The following CEP120 variants were observed in gnomAD, a reference collection of about 807,000 sequenced individuals.
CEP120 encodes centrosomal protein 120, also known as centrosomal protein of 120 kDa.
Under a neutral mutation model 126.5 loss-of-function variants are expected in CEP120, and 113 were observed. The ratio of observed to expected loss-of-function variants is 0.89; its 90% CI spans 0.77 to 1.04. The LOEUF (loss-of-function observed/expected upper bound fraction) is 1.04. Ranked by LOEUF, CEP120 falls within the 50% of genes least tolerant of loss-of-function variation. CEP120 has a pLI of 0.00. For synonymous variants in CEP120, 400 were observed against 394.3 expected (o/e 1.01, Z -0.17); for missense variants, 1,230 against 1,155.7 (o/e 1.06, Z -0.93).
chr5:123,405,361 A>G (rs1206551824), intron 4 of CEP120, among the ~76,000 whole-genome samples: 2 of 152,244 alleles, frequency 1.3e-5, no homozygotes, highest in Non-Finnish European at 2.9e-5. Flanking sequence ...TGAATATCAG[A>G]GAAAAGTTCC....
intron 5 of CEP120, among the ~76,000 whole-genome samples, chr5:123,398,122 T>C (rs1204402443): frequency 6.6e-6 from 1 of 152,052 alleles, no homozygotes; most frequent in Admixed American, 6.6e-5. Flanking sequence ...CTGATAAAAA[T>C]TGTACAGTTA....
chr5:123,385,627 T>G (rs1427976600), intron 10 of CEP120, among the ~76,000 whole-genome samples: 3 of 152,056 alleles, frequency 2.0e-5, no homozygotes, highest in Admixed American at 2.0e-4. Context: ...CTGTTTTTTT[T>G]TTTTTTTGAG....
chr5:123,401,312 A>G, intron 4 of CEP120: 1 of 1,605,984 alleles, frequency 6.2e-7, no homozygotes. Context: ...CTTAATGGCC[A>G]GCTCTCCACA....
rs758328159 is a variant in CEP120, at chr5:123,386,693, A to AAAAAAGCC, written c.1431-34_1431-27dup. 179 of 1,419,846 alleles carry AAAAAAGCC rather than the reference A, an allele frequency of 1.3e-4. 2 individuals are homozygous for AAAAAAGCC. In the South Asian group the frequency reaches 2.8e-3, roughly 22 times the overall value. The allele number at this position is 1,419,846 out of a possible 1,614,324, so 88.0% of individuals were successfully genotyped here. A position where few individuals can be genotyped will look rare whatever the true frequency, so the allele number is the denominator to read the frequency against. On this transcript the variant is annotated intron_variant, in intron 9 of 19. Coordinates refer to ENST00000306467, the MANE Select transcript of CEP120 (RefSeq NM_001375405.1). ...CTAGAATTTAAAAAAAAAAAAAAAA[A>AAAAAAGCC]AAAAAGCCTTAATGATATGGTTTAC...
Position 123,346,405 on chromosome 5 carries a change from C to A in CEP120, c.*114G>T. ...CTATACAATAACATACAAAATTTTG[C>A]TTATAAAAAATTGAAAATACCATTT... On this transcript the variant is annotated 3_prime_UTR_variant, in exon 20 of 20. Transcript: ENST00000306467. 1 of 737,724 alleles carries A rather than the reference C, an allele frequency of 1.4e-6. No individual in the cohort carries two copies. Among genetic ancestry groups the A allele is most frequent in the Non-Finnish European group, 2.1e-6 (1 of 465,830 alleles). 45.7% of individuals were successfully genotyped at this position (737,724 alleles called of 1,614,324 possible).
At chr5:123,414,846 C>A (rs1222033621) in intron 3 of CEP120, among the ~76,000 whole-genome samples, 1 of 151,626 alleles carries the variant, frequency 6.6e-6, no homozygotes, top group East Asian at 1.9e-4. Context: ...GTGGCGGGTG[C>A]CTGTAGTCCC....
At position 123,345,894 on chromosome 5, in the gene CEP120, T is replaced by C. The variant is rs1045459276; in HGVS notation, c.*625A>G. On this transcript the variant is annotated 3_prime_UTR_variant, in exon 20 of 20. Coordinates refer to ENST00000306467, the MANE Select transcript of CEP120 (RefSeq NM_001375405.1). Reference sequence around the variant, plus strand: ...TAATACTTCATGTTCTTAAAAGTTATAAATACACTGAAAATTTGAAAATTC... The same window carrying C: ...TAATACTTCATGTTCTTAAAAGTTACAAATACACTGAAAATTTGAAAATTC... 2.0e-5 allele frequency: 3 copies of C among 152,180 alleles called. No homozygotes were observed. The highest frequency in any genetic ancestry group is 1.3e-4 in the Admixed American group (2 of 15,262). The allele number at this position is 152,180 out of a possible 1,614,324, so 9.4% of individuals were successfully genotyped here.
At chr5:123,399,343 T>C (rs1447027518) in intron 4 of CEP120, 59 bp from the exon 5 acceptor site, 20 of 1,472,902 alleles carry the variant, frequency 1.4e-5, no homozygotes, top group Non-Finnish European at 1.9e-5. Context: ...CATTATAAGA[T>C]TTTTAAAACT....
chr5:123,354,785 TA>T (rs1263794815), intron 18 of CEP120, among the ~76,000 whole-genome samples: 2 of 145,496 alleles, frequency 1.4e-5, no homozygotes, highest in African/African-American at 5.1e-5. Context: ...GTTTTTTTTT[TA>T]AATATATTTT....
At chr5:123,400,849 C>T in intron 4 of CEP120, 1 of 955,292 alleles carries the variant, frequency 1.0e-6, no homozygotes, top group Admixed American at 1.7e-5. Context: ...TGCTACCCTG[C>T]ATAGTGACCT....
At chr5:123,368,523 A>G (rs189812608) in intron 17 of CEP120, among the ~76,000 whole-genome samples, 2 of 151,996 alleles carry the variant, frequency 1.3e-5, no homozygotes, top group Non-Finnish European at 2.9e-5. Context: ...AAAAGAATCA[A>G]TTAAGACTTG....
At chr5:123,359,367 A>G (rs1029040956) in intron 18 of CEP120, among the ~76,000 whole-genome samples, 1 of 152,034 alleles carries the variant, frequency 6.6e-6, no homozygotes, top group Admixed American at 6.6e-5. Context: ...TGCTTCATTT[A>G]TTTTTTAAAA....
intron 3 of CEP120, among the ~76,000 whole-genome samples, chr5:123,415,754 C>T (rs1447414677): frequency 1.3e-5 from 2 of 152,052 alleles, no homozygotes; most frequent in African/African-American, 4.8e-5. Context: ...GCCTGTAATC[C>T]CAGCTACTCA....
At chr5:123,417,627 C>T (rs993775215) in intron 2 of CEP120, among the ~76,000 whole-genome samples, 2 of 151,546 alleles carry the variant, frequency 1.3e-5, no homozygotes, top group Admixed American at 6.6e-5. Context: ...AATAAATTAA[C>T]AGAAATTACA....
At chr5:123,415,169 A>G (rs1774306778) in intron 3 of CEP120, among the ~76,000 whole-genome samples, 1 of 152,120 alleles carries the variant, frequency 6.6e-6, no homozygotes, top group Admixed American at 6.5e-5. Flanking sequence ...GAATGCAAGG[A>G]GCAGGAAGCA....
rs752431722 is a variant in CEP120, at chr5:123,422,985, G to C, written c.14C>G (p.Ser5Cys). The change falls in exon 1 of 20, where the codon TCC (serine) becomes TGC (cysteine). Residue 5 changes from serine to cysteine, a missense_variant. Transcript: ENST00000306467. MVSK[S>C]DQLLIVVSIL... ...GGACACGACGATGAGCAATTGGTCG[G>C]ATTTGGAGACCATGGTTGCGGTGAG... is the stretch of plus-strand genomic sequence containing the variant. The C allele has an allele frequency of 1.9e-6, 3 of 1,614,028 alleles. No homozygotes were observed. The South Asian group carries it at 3.3e-5, about 18-fold the overall frequency.
At chr5:123,401,081 A>C in intron 4 of CEP120, 1 of 1,588,994 alleles carries the variant, frequency 6.3e-7, no homozygotes, top group African/African-American at 1.3e-5. Flanking sequence ...AGCTCAGACC[A>C]CTTGCATAGC....
At position 123,420,119 on chromosome 5, in the gene CEP120, G is replaced by A. The variant is rs867409432; in HGVS notation, c.50-1604C>T. On this transcript the variant is annotated intron_variant, in intron 1 of 19. Coordinates refer to ENST00000306467, the MANE Select transcript of CEP120 (RefSeq NM_001375405.1). ...TGTATTAGGAGTATTAACACACATC[G>A]CACAGCTCTCCCAATTAGCATTAAC... Among the ~76,000 whole-genome samples the A allele has an allele frequency of 1.8e-4, 27 of 152,260 alleles. No homozygotes were observed. The South Asian group carries it at 2.3e-3, about 13-fold the overall frequency.
chr5:123,385,167 C>T lies in CEP120; in HGVS notation c.1581-34G>A, dbSNP rs550463017. The T allele has an allele frequency of 2.7e-6, 4 of 1,495,608 alleles. No homozygotes were observed. In the South Asian group the frequency reaches 3.9e-5, roughly 15 times the overall value. 92.6% of individuals were successfully genotyped at this position (1,495,608 alleles called of 1,614,324 possible). A position where few individuals can be genotyped will look rare whatever the true frequency, so the allele number is the denominator to read the frequency against. ...GAGAGAAACATGTGTTCATACCTATCAACTCTGACCTAAAGTCTTTTCTGA... is the reference window on the plus strand; with the variant it reads ...GAGAGAAACATGTGTTCATACCTATTAACTCTGACCTAAAGTCTTTTCTGA... On this transcript the variant is annotated intron_variant, in intron 10 of 19. Transcript: ENST00000306467.
Sources: allele counts gnomAD v4.1 joint callset (sites outside exome capture counted in the v4.1 genomes callset), GRCh38; gene constraint gnomAD v4.1.1; transcripts MANE v1.5; gene names NCBI Gene and HGNC (gene_info 2026-07-23, HGNC 2026-07-21).